The following STEAP1B variants were observed in gnomAD, a reference collection of about 807,000 sequenced individuals.
STEAP1B encodes the protein STEAP family member 1B, also known as STEAP family protein MGC87042.
A neutral mutation model predicts 27.9 loss-of-function variants in STEAP1B; 13 were observed. The observed-to-expected ratio is 0.47, with a 90% CI of 0.30 to 0.74. The LOEUF (loss-of-function observed/expected upper bound fraction) is 0.74, where lower values mean the gene tolerates loss of function less well. Among genes scored for constraint, STEAP1B ranks in the 30% least tolerant of loss-of-function variants. The pLI is 0.06. For synonymous variants in STEAP1B, 86 were observed against 107.1 expected, an observed-to-expected ratio of 0.80 and a Z score of 1.22; for missense variants, 250 against 298.7, an observed-to-expected ratio of 0.84 and a Z score of 1.20.
chr7:22,482,824 C>T (rs936809668), intron 4 of STEAP1B, among the ~76,000 whole-genome samples: 2 of 152,230 alleles, frequency 1.3e-5, no homozygotes, highest in East Asian at 1.9e-4. Context: ...ACCCTACACA[C>T]ACTCCTACTA....
At chr7:22,446,078 G>A (rs944983496) in intron 4 of STEAP1B, among the ~76,000 whole-genome samples, 3 of 152,238 alleles carry the variant, frequency 2.0e-5, no homozygotes, top group African/African-American at 7.2e-5. Flanking sequence ...AACTGTAAAT[G>A]CAGTTCTGCT....
At chr7:22,423,259 C>T (rs1562563872) in intron 4 of STEAP1B, among the ~76,000 whole-genome samples, 1 of 152,172 alleles carries the variant, frequency 6.6e-6, no homozygotes, top group Admixed American at 6.5e-5. Flanking sequence ...AGCAATTCCA[C>T]TCCTAGGTAT....
chr7:22,432,761 G>A (rs1785204796), intron 4 of STEAP1B, among the ~76,000 whole-genome samples: 1 of 152,100 alleles, frequency 6.6e-6, no homozygotes, highest in South Asian at 2.1e-4. Flanking sequence ...TGAAAATTGA[G>A]AAATTACTAC....
At chr7:22,494,464 T>C (rs1786402747) in intron 2 of STEAP1B, among the ~76,000 whole-genome samples, 1 of 151,978 alleles carries the variant, frequency 6.6e-6, no homozygotes. Context: ...TATAGAGTGT[T>C]AGAAAGAATT....
chr7:22,485,098 T>C (rs1786179253), intron 4 of STEAP1B, among the ~76,000 whole-genome samples: 1 of 152,256 alleles, frequency 6.6e-6, no homozygotes, highest in Admixed American at 6.5e-5. Context: ...ATTTAGAATA[T>C]CACATAAACT....
chr7:22,479,716 A>C (rs1383906052), intron 4 of STEAP1B, among the ~76,000 whole-genome samples: 11 of 103,728 alleles, frequency 1.1e-4, no homozygotes, highest in South Asian at 3.3e-4. Flanking sequence ...ATAGACTCCC[A>C]CTCTGTTACC....
At chr7:22,469,270 T>C (rs1168788207) in intron 4 of STEAP1B, among the ~76,000 whole-genome samples, 1 of 152,074 alleles carries the variant, frequency 6.6e-6, no homozygotes, top group Non-Finnish European at 1.5e-5. Flanking sequence ...GCTTGTAAAA[T>C]AGGGATATAA....
intron 4 of STEAP1B, chr7:22,438,589 G>C: frequency 6.4e-7 from 1 of 1,552,170 alleles, no homozygotes; most frequent in Non-Finnish European, 8.7e-7. Context: ...TGAAGGGCTG[G>C]CTGCTGATAA....
chr7:22,444,819 T>C (rs1242107498), intron 4 of STEAP1B, among the ~76,000 whole-genome samples: 1 of 152,254 alleles, frequency 6.6e-6, no homozygotes, highest in African/African-American at 2.4e-5. Flanking sequence ...GTGCTCTGTA[T>C]GGAGCCTACC....
At chr7:22,476,972 C>G (rs1162571179) in intron 4 of STEAP1B, among the ~76,000 whole-genome samples, 1 of 152,212 alleles carries the variant, frequency 6.6e-6, no homozygotes, top group Non-Finnish European at 1.5e-5. Context: ...AGGTCACTCA[C>G]AGTTCCTTGC....
intron 4 of STEAP1B, among the ~76,000 whole-genome samples, chr7:22,462,983 T>A (rs894764317): frequency 2.0e-5 from 3 of 151,440 alleles, no homozygotes; most frequent in African/African-American, 4.8e-5. Context: ...TGATGGCCAG[T>A]GATGGTGAGC....
intron 4 of STEAP1B, among the ~76,000 whole-genome samples, chr7:22,469,603 A>G (rs1785844712): frequency 6.6e-6 from 1 of 152,192 alleles, no homozygotes; most frequent in Non-Finnish European, 1.5e-5. Context: ...CTGTTTAGAA[A>G]GACAAACACT....
chr7:22,447,043 T>C (rs1785419426), intron 4 of STEAP1B, among the ~76,000 whole-genome samples: 1 of 152,226 alleles, frequency 6.6e-6, no homozygotes, highest in Non-Finnish European at 1.5e-5. Context: ...AATTCATCTC[T>C]TGTTTTAGGG....
At chr7:22,487,383 C>A (rs1786228430) in intron 4 of STEAP1B, among the ~76,000 whole-genome samples, 1 of 152,120 alleles carries the variant, frequency 6.6e-6, no homozygotes, top group African/African-American at 2.4e-5. Context: ...TCTAAAATGT[C>A]ACCATGATCA....
intron 4 of STEAP1B, among the ~76,000 whole-genome samples, chr7:22,434,955 C>T (rs780011102): frequency 1.4e-4 from 22 of 152,078 alleles, no homozygotes; most frequent in Non-Finnish European, 2.6e-4. Flanking sequence ...TCTATGCTGT[C>T]CAGTGGAGTA....
chr7:22,422,494 A>AT (rs35793677), intron 4 of STEAP1B, among the ~76,000 whole-genome samples: 11,116 of 145,642 alleles, frequency 0.076, 488 homozygotes, highest in African/African-American at 0.11. Flanking sequence ...TATTTGTGTA[A>AT]TTTTTTTTTT....
At chr7:22,424,652 A>G (rs905592345) in intron 4 of STEAP1B, among the ~76,000 whole-genome samples, 7 of 152,182 alleles carry the variant, frequency 4.6e-5, no homozygotes, top group Admixed American at 3.9e-4. Flanking sequence ...CACTAGCTTA[A>G]GAAAATAATT....
chr7:22,449,778 T>G (rs1372571248), intron 4 of STEAP1B, among the ~76,000 whole-genome samples: 1 of 152,246 alleles, frequency 6.6e-6, no homozygotes. Context: ...TACAAGGGTT[T>G]GCTTTTCTCC....
chr7:22,493,590 T>A lies in STEAP1B; in HGVS notation c.331A>T (p.Ile111Phe). ...GGCAAGACTTTGTTGATGACCAGGA[T>A]TGGAATTTTATAAAAATATTGTTGA... ...SHQQYFYKIP[I>F]LVINKVLPMV... Residue 111 changes from isoleucine to phenylalanine, a missense_variant, in exon 3 of 5, where the codon ATC (isoleucine) becomes TTC (phenylalanine). Coordinates refer to ENST00000678116, the MANE Select transcript of STEAP1B (RefSeq NM_001382447.1). The A allele has an allele frequency of 1.2e-6, 2 of 1,613,918 alleles. No homozygotes were observed. Among genetic ancestry groups the A allele is most frequent in the South Asian group, 1.1e-5 (1 of 91,070 alleles).
Sources: allele counts gnomAD v4.1 joint callset (sites outside exome capture counted in the v4.1 genomes callset), GRCh38; gene constraint gnomAD v4.1.1; transcripts MANE v1.5; gene names NCBI Gene and HGNC (gene_info 2026-07-23, HGNC 2026-07-21).